PDK1: variants seen among roughly 807,000 people sequenced by gnomAD.
The protein encoded by PDK1 is [Pyruvate dehydrogenase (acetyl-transferring)] kinase isozyme 1, mitochondrial.
Under a neutral mutation model 54.2 loss-of-function variants are expected in PDK1, and 39 were observed. The ratio of observed to expected loss-of-function variants is 0.72; its 90% confidence interval spans 0.56 to 0.94. The LOEUF (loss-of-function observed/expected upper bound fraction) is 0.94, where lower values mean the gene tolerates loss of function less well. PDK1 is among the 40% of genes least tolerant of loss of function. The pLI is 0.00. For missense variants in PDK1, 552 were observed against 566.0 expected (o/e 0.98, Z 0.25); for synonymous variants, 221 against 207.1 (o/e 1.07, Z -0.58).
chr2:172,717,864 T>C, the PDK1 span, among the ~76,000 whole-genome samples: 2 of 152,150 alleles, frequency 1.3e-5, no homozygotes, highest in Non-Finnish European at 2.9e-5. Flanking sequence ...TGGCCTCTAG[T>C]AGGTGGGAGC....
the PDK1 span, among the ~76,000 whole-genome samples, chr2:172,708,108 C>G: frequency 6.6e-6 from 1 of 151,890 alleles, no homozygotes; most frequent in Non-Finnish European, 1.5e-5. Flanking sequence ...TCAAGACCAG[C>G]CTGGGAAACA....
At chr2:172,722,043 TG>T in the PDK1 span, among the ~76,000 whole-genome samples, 3 of 152,284 alleles carry the variant, frequency 2.0e-5, no homozygotes, top group Non-Finnish European at 4.4e-5. Flanking sequence ...GCAGAATTGA[TG>T]TGAGCCACTT....
chr2:172,573,632 G>T (rs1689415687), intron 8 of PDK1, among the ~76,000 whole-genome samples: 1 of 148,554 alleles, frequency 6.7e-6, no homozygotes, highest in Non-Finnish European at 1.5e-5. Flanking sequence ...TATATTCTAT[G>T]TGTGTGTATA....
At chr2:172,657,798 G>C in the PDK1 span, among the ~76,000 whole-genome samples, 3 of 136,946 alleles carry the variant, frequency 2.2e-5, no homozygotes, top group South Asian at 7.3e-4. Context: ...TACAGTCTTA[G>C]CGCATTCTGA....
chr2:172,636,908 T>C, the PDK1 span, among the ~76,000 whole-genome samples: 2 of 151,866 alleles, frequency 1.3e-5, no homozygotes, highest in Non-Finnish European at 1.5e-5. Flanking sequence ...CCCTCCTCCC[T>C]CCAATGCAAA....
intron 8 of PDK1, among the ~76,000 whole-genome samples, chr2:172,582,100 A>G (rs184507056): frequency 6.6e-6 from 1 of 152,226 alleles, no homozygotes; most frequent in Admixed American, 6.5e-5. Flanking sequence ...TTTAGTAGAG[A>G]CAGAGTTTCA....
chr2:172,565,336 C>G (rs1310041244), intron 5 of PDK1, among the ~76,000 whole-genome samples: 2 of 152,142 alleles, frequency 1.3e-5, no homozygotes, highest in African/African-American at 4.8e-5. Context: ...CAGAGTCTCA[C>G]TCTGTTGCCC....
chr2:172,579,511 C>G (rs1200894729), intron 8 of PDK1, among the ~76,000 whole-genome samples: 1 of 149,236 alleles, frequency 6.7e-6, no homozygotes, highest in Non-Finnish European at 1.5e-5. Flanking sequence ...TTGCACCCCC[C>G]TCCCCCGCTC....
the PDK1 span, among the ~76,000 whole-genome samples, chr2:172,708,706 T>C: frequency 9.2e-5 from 14 of 152,218 alleles, no homozygotes; most frequent in Non-Finnish European, 1.3e-4. Context: ...ATATATAATA[T>C]GAAAAACCCT....
At chr2:172,723,829 G>A in the PDK1 span, 86 of 152,296 alleles carry the variant, frequency 5.6e-4, 2 homozygotes, top group East Asian at 0.014. Flanking sequence ...ACTCTCAAAG[G>A]ATGAGCATTA....
the PDK1 span, among the ~76,000 whole-genome samples, chr2:172,638,796 A>G: frequency 2.6e-5 from 4 of 152,228 alleles, no homozygotes; most frequent in East Asian, 7.7e-4. Flanking sequence ...AAATGCACCA[A>G]TCAGCACTCT....
At chr2:172,565,528 TCCTGCCTG>T (rs370094384) in intron 5 of PDK1, among the ~76,000 whole-genome samples, 1 of 152,108 alleles carries the variant, frequency 6.6e-6, no homozygotes, top group Admixed American at 6.5e-5. Flanking sequence ...GGTCTGGAAC[TCCTGCCTG>T]CCTGCCTGCC....
the PDK1 span, among the ~76,000 whole-genome samples, chr2:172,673,464 G>A: frequency 6.6e-6 from 1 of 152,028 alleles, no homozygotes; most frequent in African/African-American, 2.4e-5. Flanking sequence ...TCTATCTATT[G>A]GGAAACTGCC....
downstream of PDK1, among the ~76,000 whole-genome samples, chr2:172,609,500 C>T (rs1013963743): frequency 8.5e-5 from 13 of 152,136 alleles, no homozygotes; most frequent in African/African-American, 2.4e-4. Flanking sequence ...TTATTGCAAT[C>T]GGAGTATTAC....
intron 8 of PDK1, among the ~76,000 whole-genome samples, chr2:172,573,539 A>G (rs1689405447): frequency 6.6e-6 from 1 of 151,520 alleles, no homozygotes; most frequent in Admixed American, 6.6e-5. Context: ...ATACATATAT[A>G]CATACATATG....
At chr2:172,644,433 T>C in the PDK1 span, among the ~76,000 whole-genome samples, 1 of 152,358 alleles carries the variant, frequency 6.6e-6, no homozygotes, top group Admixed American at 6.5e-5. Flanking sequence ...CTTAGTTTCC[T>C]GTGTGTAATA....
At chr2:172,714,488 C>T in the PDK1 span, among the ~76,000 whole-genome samples, 1 of 151,832 alleles carries the variant, frequency 6.6e-6, no homozygotes, top group Non-Finnish European at 1.5e-5. Context: ...CAAAAATATG[C>T]CTATGTTGAA....
the PDK1 span, among the ~76,000 whole-genome samples, chr2:172,699,512 A>G: frequency 6.9e-6 from 1 of 144,334 alleles, no homozygotes; most frequent in African/African-American, 2.5e-5. Context: ...TTCAGATTGT[A>G]AAAGTTAAAA....
At chr2:172,718,119 C>A in the PDK1 span, among the ~76,000 whole-genome samples, 1 of 152,042 alleles carries the variant, frequency 6.6e-6, no homozygotes. Flanking sequence ...ATGTAATTTG[C>A]TGAAAAATTT....
Sources: gnomAD v4.1 joint callset for allele counts (sites outside exome capture counted in the v4.1 genomes callset) on GRCh38, gnomAD v4.1.1 for gene constraint, MANE v1.5 for transcripts, NCBI Gene and HGNC (gene_info 2026-07-23, HGNC 2026-07-21) for gene names.